RNGTT: variants seen among roughly 807,000 people sequenced by gnomAD.
The protein encoded by RNGTT is RNA guanylyltransferase and 5'-phosphatase.
RNGTT carries 33 observed loss-of-function variants against 79.3 expected under a neutral mutation model. The observed-to-expected ratio is 0.42, with a 90% CI of 0.32 to 0.56. The LOEUF (loss-of-function observed/expected upper bound fraction) is 0.56. RNGTT is among the 20% of genes least tolerant of loss of function. The pLI, the probability that RNGTT is intolerant of heterozygous loss-of-function variation, is 0.17. For missense variants in RNGTT, 497 were observed against 739.1 expected (o/e 0.67, Z 3.80); for synonymous variants, 222 against 235.9 (o/e 0.94, Z 0.54).
rs892270419 is a variant in RNGTT, at chr6:88,962,448, A to C, written c.64+898T>G. Among the ~76,000 whole-genome samples, 8 of 152,314 alleles carry C rather than the reference A, an allele frequency of 5.3e-5. No individual in the cohort carries two copies. The South Asian group carries it at 1.7e-3, about 32-fold the overall frequency. On this transcript the variant is annotated intron_variant, in intron 1 of 15. Coordinates refer to ENST00000369485, the MANE Select transcript of RNGTT (RefSeq NM_003800.5). ...CGAGTTCAAGACCAGCCTGGGCAAC[A>C]CAGTGAAACCCTGTCTCCACAAAAA...
chr6:88,688,858 A>G (rs1281852007), intron 13 of RNGTT, among the ~76,000 whole-genome samples: 1 of 152,200 alleles, frequency 6.6e-6, no homozygotes, highest in Non-Finnish European at 1.5e-5. Context: ...GACAAGGATG[A>G]AGACTTTTAG....
chr6:88,882,131 A>T (rs1225091405), intron 8 of RNGTT, among the ~76,000 whole-genome samples: 1 of 152,154 alleles, frequency 6.6e-6, no homozygotes, highest in Non-Finnish European at 1.5e-5. Context: ...TCTTCTCCTA[A>T]ACCCAAGGTC....
At chr6:88,929,289 A>G in intron 2 of RNGTT, 22 bp from the exon 3 acceptor site, 1 of 1,471,102 alleles carries the variant, frequency 6.8e-7, no homozygotes, top group East Asian at 2.3e-5. Flanking sequence ...AAAAAATGAA[A>G]GGGCAAATTT....
chr6:88,904,600 G>T, intron 6 of RNGTT, 115 bp downstream of exon 6: 4 of 1,229,472 alleles, frequency 3.3e-6, no homozygotes, highest in South Asian at 1.6e-5. Context: ...GGGCTAGGAT[G>T]AATCATCTGA....
intron 11 of RNGTT, among the ~76,000 whole-genome samples, chr6:88,840,792 T>C (rs1439962468): frequency 6.6e-6 from 1 of 152,194 alleles, no homozygotes; most frequent in Admixed American, 6.5e-5. Context: ...GTCTTTCTAG[T>C]GAAAAACTAC....
chr6:88,924,923 G>C (rs979683924), intron 4 of RNGTT, among the ~76,000 whole-genome samples: 1 of 151,898 alleles, frequency 6.6e-6, no homozygotes, highest in Non-Finnish European at 1.5e-5. Flanking sequence ...GTCTCACTTT[G>C]TTACTCAGGA....
intron 13 of RNGTT, among the ~76,000 whole-genome samples, chr6:88,737,134 T>C (rs1163593778): frequency 6.6e-6 from 1 of 152,196 alleles, no homozygotes; most frequent in Non-Finnish European, 1.5e-5. Context: ...TTTGGACTTG[T>C]TTGGGACATA....
intron 13 of RNGTT, among the ~76,000 whole-genome samples, chr6:88,730,285 TA>T (rs561482272): frequency 1.4e-3 from 215 of 152,310 alleles, no homozygotes; most frequent in African/African-American, 4.6e-3. Flanking sequence ...ACCTGCTCTG[TA>T]ATAACCATTT....
chr6:88,845,752 C>A (rs183306678), intron 10 of RNGTT, among the ~76,000 whole-genome samples: 2 of 152,068 alleles, frequency 1.3e-5, no homozygotes, highest in African/African-American at 4.8e-5. Context: ...AGGAGAGAGA[C>A]AAAGTGAGTG....
intron 13 of RNGTT, among the ~76,000 whole-genome samples, chr6:88,755,031 G>A (rs980001550): frequency 1.3e-5 from 2 of 151,986 alleles, no homozygotes; most frequent in Non-Finnish European, 2.9e-5. Flanking sequence ...TTTCTCTAGC[G>A]CCACTGGGTT....
At chr6:88,704,285 AAGAC>A (rs1776055801) in intron 13 of RNGTT, among the ~76,000 whole-genome samples, 3 of 149,074 alleles carry the variant, frequency 2.0e-5, no homozygotes, top group Middle Eastern at 3.2e-3. Context: ...AAAAAAAAAA[AAGAC>A]AGACTTCAAT....
At position 88,912,551 on chromosome 6, in the gene RNGTT, T is replaced by C. The variant is rs559251964; in HGVS notation, c.368-6111A>G. Among the ~76,000 whole-genome samples, 24 of 151,476 alleles carry C rather than the reference T, an allele frequency of 1.6e-4. No individual in the cohort carries two copies. In the South Asian group the frequency reaches 5.0e-3, roughly 32 times the overall value. On this transcript the variant is annotated intron_variant, in intron 4 of 15. Transcript: ENST00000369485. ...AAAATCAGAGCAGAGCAAAAAGAAGTTGAGACCCAAAAAGCCATGTAAAGA... is the reference window on the plus strand; with the variant it reads ...AAAATCAGAGCAGAGCAAAAAGAAGCTGAGACCCAAAAAGCCATGTAAAGA...
At chr6:88,771,903 C>T (rs988239672) in intron 12 of RNGTT, among the ~76,000 whole-genome samples, 2 of 152,068 alleles carry the variant, frequency 1.3e-5, no homozygotes, top group South Asian at 4.1e-4. Context: ...TAGGGTTAGG[C>T]ACGGTGGCTC....
At chr6:88,777,780 G>T (rs540549686) in intron 12 of RNGTT, among the ~76,000 whole-genome samples, 1 of 152,218 alleles carries the variant, frequency 6.6e-6, no homozygotes, top group South Asian at 2.1e-4. Context: ...TTAGATGCCT[G>T]TTGTTTCTTT....
At chr6:88,683,386 A>G (rs1294967553) in intron 13 of RNGTT, among the ~76,000 whole-genome samples, 1 of 152,126 alleles carries the variant, frequency 6.6e-6, no homozygotes, top group Non-Finnish European at 1.5e-5. Flanking sequence ...ATAATGCACT[A>G]AAACTGACAC....
rs1381796217 is a variant in RNGTT, at chr6:88,775,412, A to G, written c.1339-5538T>C. ...CCCAACTCCCCCATCCTCAGCACTG[A>G]TAACCTTCTTCCTAGTCCTGAACAG... is the stretch of plus-strand genomic sequence containing the variant. On this transcript the variant is annotated intron_variant, in intron 12 of 15. Transcript: ENST00000369485. Among the ~76,000 whole-genome samples, 3 of 152,172 alleles carry G rather than the reference A, an allele frequency of 2.0e-5. No individual in the cohort carries two copies. The East Asian group carries it at 5.8e-4, about 29-fold the overall frequency.
chr6:88,677,285 GA>G (rs35139705), intron 14 of RNGTT, among the ~76,000 whole-genome samples: 13,952 of 109,064 alleles, frequency 0.13, 857 homozygotes, highest in African/African-American at 0.21. Flanking sequence ...TGGAGACCAG[GA>G]AAAAAAAAAA....
At chr6:88,739,263 A>C (rs2127824021) in intron 13 of RNGTT, among the ~76,000 whole-genome samples, 1 of 152,274 alleles carries the variant, frequency 6.6e-6, no homozygotes, top group East Asian at 1.9e-4. Flanking sequence ...CTCTTCTAAG[A>C]AGCTTATTAA....
At chr6:88,891,496 C>A (rs1020172177) in intron 7 of RNGTT, among the ~76,000 whole-genome samples, 3 of 152,138 alleles carry the variant, frequency 2.0e-5, no homozygotes, top group Non-Finnish European at 2.9e-5. Context: ...CCAAATTTCA[C>A]CTCTTCCCTC....
Sources: allele counts gnomAD v4.1 joint callset (sites outside exome capture counted in the v4.1 genomes callset), GRCh38; gene constraint gnomAD v4.1.1; transcripts MANE v1.5; gene names NCBI Gene and HGNC (gene_info 2026-07-23, HGNC 2026-07-21).